RGS5: variants seen among roughly 807,000 people sequenced by gnomAD.
RGS5 encodes the protein regulator of G-protein signalling 5.
Under a neutral mutation model 18.9 loss-of-function variants are expected in RGS5, and 20 were observed. That is an observed-to-expected ratio of 1.06 (90% CI 0.74 to 1.54). RGS5 has a LOEUF of 1.54. RGS5 is among the 40% of genes most tolerant of loss of function. RGS5 has a pLI of 0.00. For synonymous variants in RGS5, 57 were observed against 76.2 expected (o/e 0.75, Z 1.31); for missense variants, 201 against 211.8 (o/e 0.95, Z 0.32).
chr1:163,258,340 T>C (rs1309983603), intron 2 of RGS5, among the ~76,000 whole-genome samples: 1 of 152,200 alleles, frequency 6.6e-6, no homozygotes, highest in Non-Finnish European at 1.5e-5. Context: ...GGATGGAATA[T>C]GGATATAAAT....
chr1:163,227,840 C>A (rs1299811848), intron 2 of RGS5, among the ~76,000 whole-genome samples: 1 of 152,180 alleles, frequency 6.6e-6, no homozygotes. Context: ...AACAAAGAGG[C>A]TACAATCCCC....
chr1:163,285,413 G>C (rs1230806026), intron 2 of RGS5, among the ~76,000 whole-genome samples: 1 of 151,954 alleles, frequency 6.6e-6, no homozygotes, highest in Admixed American at 6.6e-5. Context: ...AAATTAGCTG[G>C]GCGTGGTGGC....
At chr1:163,218,350 C>T (rs535626231), upstream of RGS5, among the ~76,000 whole-genome samples, 1 of 152,100 alleles carries the variant, frequency 6.6e-6, no homozygotes, top group Non-Finnish European at 1.5e-5. Flanking sequence ...ATAGAATTCA[C>T]AGATATTTTT....
chr1:163,278,034 A>T (rs1648900637), intron 2 of RGS5, among the ~76,000 whole-genome samples: 1 of 151,934 alleles, frequency 6.6e-6, no homozygotes, highest in Non-Finnish European at 1.5e-5. Flanking sequence ...ATTTGCAAAA[A>T]AAATGCAAAT....
intron 1 of RGS5, among the ~76,000 whole-genome samples, chr1:163,174,749 A>G (rs1339191843): frequency 1.3e-5 from 2 of 152,234 alleles, no homozygotes; most frequent in African/African-American, 4.8e-5. Context: ...TCAGGATTTA[A>G]AAGAAACAGA....
intron 1 of RGS5, among the ~76,000 whole-genome samples, chr1:163,171,134 G>T (rs1023174515): frequency 2.0e-5 from 3 of 151,944 alleles, no homozygotes; most frequent in Admixed American, 1.3e-4. Flanking sequence ...AAAATTCCCC[G>T]CAAGTTACTA....
chr1:163,317,662 T>C (rs892186490), intron 1 of RGS5, among the ~76,000 whole-genome samples: 1 of 152,196 alleles, frequency 6.6e-6, no homozygotes, highest in Non-Finnish European at 1.5e-5. Context: ...CCAAACTTTG[T>C]GACATCATCA....
At chr1:163,188,122 T>C (rs984061812) in intron 1 of RGS5, among the ~76,000 whole-genome samples, 9 of 152,058 alleles carry the variant, frequency 5.9e-5, no homozygotes, top group African/African-American at 2.2e-4. Flanking sequence ...GCAGCTGCAC[T>C]GCACTCAGTT....
intron 1 of RGS5, among the ~76,000 whole-genome samples, chr1:163,311,816 A>C (rs1336941513): frequency 6.6e-6 from 1 of 152,240 alleles, no homozygotes; most frequent in East Asian, 1.9e-4. Context: ...AATTACCAAA[A>C]TGTGACAAAG....
chr1:163,172,964 G>A (rs751198991), intron 1 of RGS5, among the ~76,000 whole-genome samples: 14 of 152,050 alleles, frequency 9.2e-5, no homozygotes, highest in Non-Finnish European at 1.8e-4. Flanking sequence ...ACAGACATAT[G>A]AAAATAAAAC....
intron 2 of RGS5, among the ~76,000 whole-genome samples, chr1:163,223,205 G>A (rs1214287331): frequency 6.6e-6 from 1 of 152,068 alleles, no homozygotes; most frequent in Non-Finnish European, 1.5e-5. Context: ...GAAGAATTCT[G>A]ATTACCACTG....
chr1:163,158,991 G>A (rs1363065269), intron 3 of RGS5, among the ~76,000 whole-genome samples: 1 of 152,172 alleles, frequency 6.6e-6, no homozygotes, highest in Non-Finnish European at 1.5e-5. Context: ...TCTCAGGGAT[G>A]TTCCTAGCTG....
At chr1:163,269,409 A>G (rs1401262437) in intron 2 of RGS5, among the ~76,000 whole-genome samples, 1 of 152,116 alleles carries the variant, frequency 6.6e-6, no homozygotes, top group Non-Finnish European at 1.5e-5. Flanking sequence ...GCATCTCTCC[A>G]ACATAGCAGG....
intron 2 of RGS5, among the ~76,000 whole-genome samples, chr1:163,300,147 T>C (rs1177003838): frequency 2.0e-5 from 3 of 152,216 alleles, no homozygotes; most frequent in East Asian, 1.9e-4. Context: ...CACTCTGATA[T>C]ATCACTCCTG....
intron 2 of RGS5, among the ~76,000 whole-genome samples, chr1:163,272,024 C>G (rs1305214950): frequency 6.6e-6 from 1 of 151,572 alleles, no homozygotes; most frequent in Non-Finnish European, 1.5e-5. Flanking sequence ...CTTCCTTCCT[C>G]TCTCTCTGTC....
chr1:163,172,569 G>A, intron 1 of RGS5: 1 of 1,549,834 alleles, frequency 6.5e-7, no homozygotes, highest in Non-Finnish European at 8.7e-7. Context: ...AGAACATCAG[G>A]TTACTCTTTT....
In RGS5 at chr1:163,143,912, T is replaced by C. The variant is rs184131275; in HGVS notation, c.*3430A>G. The C allele has an allele frequency of 4.7e-4, 72 of 152,222 alleles. No homozygotes were observed. The East Asian group carries it at 0.014, about 29-fold the overall frequency. The allele number at this position is 152,222 out of a possible 1,614,324, so 9.4% of individuals were successfully genotyped here. ...TGCATGTCTATTACTCTTTGGAAAA[T>C]AATTAACAGCTCCATCCTATTGAAA... On this transcript the variant is annotated 3_prime_UTR_variant, in exon 5 of 5. Transcript: ENST00000313961.
chr1:163,149,334 G>A (rs1005343720), intron 4 of RGS5, among the ~76,000 whole-genome samples: 2 of 152,174 alleles, frequency 1.3e-5, no homozygotes, highest in African/African-American at 4.8e-5. Flanking sequence ...TGAAAGCAAT[G>A]CTTCTTCCTT....
At chr1:163,158,826 G>A (rs937736286) in intron 3 of RGS5, among the ~76,000 whole-genome samples, 4 of 152,096 alleles carry the variant, frequency 2.6e-5, no homozygotes, top group African/African-American at 4.8e-5. Flanking sequence ...CAACTGGTCC[G>A]ACCAAAATTT....
Sources: gnomAD v4.1 joint callset for allele counts (sites outside exome capture counted in the v4.1 genomes callset) on GRCh38, gnomAD v4.1.1 for gene constraint, MANE v1.5 for transcripts, NCBI Gene and HGNC (gene_info 2026-07-23, HGNC 2026-07-21) for gene names.